WDFY1: variants seen among roughly 807,000 people sequenced by gnomAD.
The protein encoded by WDFY1 is WD repeat and FYVE domain containing 1.
In WDFY1, 32 loss-of-function variants were observed where a neutral mutation model predicts 56.4. The observed-to-expected ratio is 0.57, with a 90% CI of 0.43 to 0.76. WDFY1 has a LOEUF of 0.76. WDFY1 is among the 30% of genes least tolerant of loss of function. The pLI is 0.00. For synonymous variants in WDFY1, 192 were observed against 197.3 expected (o/e 0.97, Z 0.23); for missense variants, 480 against 545.7 (o/e 0.88, Z 1.20).
In WDFY1 at chr2:223,877,593, T is replaced by G. The variant is rs1692992097; in HGVS notation, c.*1078A>C. The G allele has an allele frequency of 6.6e-6, 1 of 152,198 alleles. No homozygotes were observed. The highest frequency in any genetic ancestry group is 1.5e-5 in the Non-Finnish European group (1 of 68,034). The allele number at this position is 152,198 out of a possible 1,614,324, so 9.4% of individuals were successfully genotyped here. Reference sequence around the variant, plus strand: ...GTTGTTAGGAAAGCAATTTATGAGTTGGGAATTATTGTGGAAGACTTGATG... The same window carrying G: ...GTTGTTAGGAAAGCAATTTATGAGTGGGGAATTATTGTGGAAGACTTGATG... On this transcript the variant is annotated 3_prime_UTR_variant, in exon 12 of 12. Coordinates refer to ENST00000233055, the MANE Select transcript of WDFY1 (RefSeq NM_020830.5).
At chr2:223,919,027 A>T (rs1278488941) in intron 1 of WDFY1, among the ~76,000 whole-genome samples, 2 of 152,206 alleles carry the variant, frequency 1.3e-5, no homozygotes, top group African/African-American at 4.8e-5. Context: ...TCAGAGAAAC[A>T]ATGGGAGTCC....
At chr2:223,929,929 G>T (rs935500533) in intron 1 of WDFY1, among the ~76,000 whole-genome samples, 3 of 152,176 alleles carry the variant, frequency 2.0e-5, no homozygotes, top group African/African-American at 7.2e-5. Flanking sequence ...GCCTTATGTG[G>T]TAAGTAAGTA....
At chr2:223,912,386 A>C in intron 2 of WDFY1, 60 bp from the exon 3 acceptor site, 1 of 1,313,230 alleles carries the variant, frequency 7.6e-7, no homozygotes, top group Non-Finnish European at 1.0e-6. Flanking sequence ...TTGTTCTTCA[A>C]AGTGATTAAG....
In WDFY1 at chr2:223,917,947, C is replaced by A. The variant is rs753473388; in HGVS notation, c.201G>T (p.Met67Ile). Residue 67 changes from methionine (M) to isoleucine (I), a missense_variant, in exon 2 of 12, where the codon ATG becomes ATT. Physicochemically the swap from Met to Ile is conservative, Grantham distance 10. Coordinates refer to ENST00000233055, the MANE Select transcript of WDFY1 (RefSeq NM_020830.5). ...TGGAACAGTTCAGCTACTTACAGGC[C>A]ATTGTGTGGTAAATGCTGGGCCAGT... ...GQYWPSIYHT[M>I]ASPCSAMAYH... 1.4e-5 allele frequency: 23 copies of A among 1,613,916 alleles called. No homozygotes were observed. Among genetic ancestry groups the A allele is most frequent in the Non-Finnish European group, 1.9e-5 (23 of 1,179,966 alleles).
intron 1 of WDFY1, among the ~76,000 whole-genome samples, chr2:223,927,550 G>C (rs1372673330): frequency 6.6e-6 from 1 of 152,206 alleles, no homozygotes; most frequent in African/African-American, 2.4e-5. Context: ...CCTTGCTCTG[G>C]ATGAGGCTTT....
chr2:223,920,351 A>G (rs542376644), intron 1 of WDFY1, among the ~76,000 whole-genome samples: 38 of 152,366 alleles, frequency 2.5e-4, no homozygotes, highest in African/African-American at 9.1e-4. Flanking sequence ...GCTGCACAGT[A>G]TATAGCAAAG....
intron 8 of WDFY1, among the ~76,000 whole-genome samples, chr2:223,892,540 A>G (rs1357055687): frequency 6.6e-6 from 1 of 152,224 alleles, no homozygotes; most frequent in Non-Finnish European, 1.5e-5. Context: ...CTTTGTGTAC[A>G]GTAGCCATAA....
intron 1 of WDFY1, among the ~76,000 whole-genome samples, chr2:223,938,208 G>A (rs1490506729): frequency 2.6e-5 from 4 of 152,142 alleles, no homozygotes; most frequent in African/African-American, 9.7e-5. Flanking sequence ...TGGCCTACGA[G>A]CCCCTAATGC....
rs1451546579 is a variant in WDFY1, at chr2:223,904,046, AT to A, written c.334+1900del. Among the ~76,000 whole-genome samples, 6 of 152,258 alleles carry A rather than the reference AT, an allele frequency of 3.9e-5. No homozygotes were observed. In the South Asian group the frequency reaches 1.2e-3, roughly 32 times the overall value. On this transcript the variant is annotated intron_variant, in intron 4 of 11. Coordinates refer to ENST00000233055, the MANE Select transcript of WDFY1 (RefSeq NM_020830.5). ...ATATACCTCATAAAGGAATTTACGG[AT>A]TCTTGATTATTTTAAAGATAAACCT...
intron 1 of WDFY1, among the ~76,000 whole-genome samples, chr2:223,920,441 C>CA (rs1326053497): frequency 6.6e-6 from 1 of 152,200 alleles, no homozygotes; most frequent in Non-Finnish European, 1.5e-5. Context: ...ATAACATGTG[C>CA]AGTATGCCAG....
In WDFY1 at chr2:223,894,321, C is replaced by A; in HGVS notation, c.744G>T (p.Leu248=). Residue 248 remains leucine (L), a synonymous_variant, in exon 8 of 12, where the codon CTG becomes CTT. Transcript: ENST00000233055. ...LQGHHDKVQS[L]CYLQLTRQLV... is the part of the protein sequence containing the mutation. ...GCTGCCTGGTGAGCTGAAGGTAGCA[C>A]AGCGACTGCACCTTGTCACTGCAAA... 3 of 1,614,200 alleles carry A rather than the reference C, an allele frequency of 1.9e-6. No homozygotes were observed. The highest frequency in any genetic ancestry group is 2.5e-6 in the Non-Finnish European group (3 of 1,180,016).
intron 3 of WDFY1, among the ~76,000 whole-genome samples, chr2:223,906,293 A>G (rs931912729): frequency 3.3e-5 from 5 of 152,088 alleles, no homozygotes; most frequent in African/African-American, 1.2e-4. Context: ...TCTCCCTCCT[A>G]CTACAAAACT....
chr2:223,894,916 GT>G (rs1471387309), intron 7 of WDFY1, among the ~76,000 whole-genome samples: 3 of 152,146 alleles, frequency 2.0e-5, no homozygotes, highest in Non-Finnish European at 2.9e-5. Flanking sequence ...TGTGATTATA[GT>G]AACAGCTGCA....
At chr2:223,887,714 G>C (rs146828236) in intron 8 of WDFY1, among the ~76,000 whole-genome samples, 1,862 of 152,082 alleles carry the variant, frequency 0.012, 42 homozygotes, top group African/African-American at 0.043. Flanking sequence ...CAGAAATCTC[G>C]CTCTCAACCA....
chr2:223,885,805 C>A (rs966405046), intron 8 of WDFY1, among the ~76,000 whole-genome samples: 2 of 152,036 alleles, frequency 1.3e-5, no homozygotes, highest in Non-Finnish European at 2.9e-5. Flanking sequence ...GCAGATTTGC[C>A]CCCCTTCCCT....
intron 1 of WDFY1, among the ~76,000 whole-genome samples, chr2:223,933,522 C>T (rs1478671214): frequency 1.3e-5 from 2 of 152,050 alleles, no homozygotes; most frequent in Non-Finnish European, 2.9e-5. Context: ...GCAACACTTT[C>T]TTACATTACA....
At chr2:223,902,815 C>A (rs186473504) in intron 4 of WDFY1, among the ~76,000 whole-genome samples, 2 of 150,736 alleles carry the variant, frequency 1.3e-5, no homozygotes, top group Admixed American at 6.6e-5. Context: ...CGCCTAAAGT[C>A]TAATAAGTGA....
At chr2:223,889,528 A>G (rs1484994936) in intron 8 of WDFY1, among the ~76,000 whole-genome samples, 1 of 152,064 alleles carries the variant, frequency 6.6e-6, no homozygotes, top group Non-Finnish European at 1.5e-5. Flanking sequence ...GTCTCACAAT[A>G]TCTGATGGTT....
At chr2:223,918,531 T>C (rs1364702766) in intron 1 of WDFY1, among the ~76,000 whole-genome samples, 2 of 151,278 alleles carry the variant, frequency 1.3e-5, no homozygotes, top group Non-Finnish European at 2.9e-5. Context: ...CTCAGGAGCC[T>C]GAGGCAGAAG....
Sources: gnomAD v4.1 joint callset for allele counts (sites outside exome capture counted in the v4.1 genomes callset) on GRCh38, gnomAD v4.1.1 for gene constraint, MANE v1.5 for transcripts, NCBI Gene and HGNC (gene_info 2026-07-23, HGNC 2026-07-21) for gene names.